GPM6A: variants seen among roughly 807,000 people sequenced by gnomAD.
GPM6A encodes glycoprotein M6A.
In GPM6A, 7 loss-of-function variants were observed where a neutral mutation model predicts 32.1. The observed-to-expected ratio is 0.22, with a 90% CI of 0.12 to 0.41. The LOEUF is 0.41. Ranked by LOEUF, GPM6A falls within the 10% of genes least tolerant of loss-of-function variation. The pLI, the probability that GPM6A is intolerant of heterozygous loss-of-function variation, is 1.00. For synonymous variants in GPM6A, 130 were observed against 123.4 expected, an observed-to-expected ratio of 1.05 and a Z score of -0.35; for missense variants, 235 against 347.2, an observed-to-expected ratio of 0.68 and a Z score of 2.57.
chr4:175,811,869 G>T (rs1734932530), intron 1 of GPM6A: 1 of 202,246 alleles, frequency 4.9e-6, no homozygotes, highest in Non-Finnish European at 9.9e-6. Flanking sequence ...GGGATCCCTT[G>T]ACCCAGCTCG....
intron 4 of GPM6A, among the ~76,000 whole-genome samples, chr4:175,644,121 G>GTT (rs781755092): frequency 0.015 from 1,649 of 110,334 alleles, 56 homozygotes; most frequent in East Asian, 0.062. Flanking sequence ...TTTTCCGTTT[G>GTT]TTTTTTTTTT....
At chr4:175,827,717 G>A (rs960099948) in intron 1 of GPM6A, among the ~76,000 whole-genome samples, 16 of 152,284 alleles carry the variant, frequency 1.1e-4, no homozygotes, top group African/African-American at 3.6e-4. Flanking sequence ...GTTTCAAATG[G>A]CAGCTCAGCC....
chr4:175,959,750 A>G (rs1409063979), intron 1 of GPM6A, among the ~76,000 whole-genome samples: 1 of 152,208 alleles, frequency 6.6e-6, no homozygotes, highest in African/African-American at 2.4e-5. Context: ...TAGTAGAGTG[A>G]AAGGAACTAT....
chr4:175,776,054 T>C (rs1733381376), intron 1 of GPM6A, among the ~76,000 whole-genome samples: 1 of 152,134 alleles, frequency 6.6e-6, no homozygotes, highest in Non-Finnish European at 1.5e-5. Flanking sequence ...TATTAATTTG[T>C]GGTGTGAGAA....
chr4:175,770,398 A>G (rs1733139601), intron 1 of GPM6A, among the ~76,000 whole-genome samples: 1 of 152,114 alleles, frequency 6.6e-6, no homozygotes, highest in Non-Finnish European at 1.5e-5. Context: ...TCTTAATTAC[A>G]TCTCTTGTCA....
At chr4:175,847,973 A>C (rs1456434277) in intron 1 of GPM6A, among the ~76,000 whole-genome samples, 1 of 152,198 alleles carries the variant, frequency 6.6e-6, no homozygotes, top group Non-Finnish European at 1.5e-5. Flanking sequence ...GAATAAGGGG[A>C]AACTGCTATA....
chr4:175,829,050 A>G (rs115556281), intron 1 of GPM6A, among the ~76,000 whole-genome samples: 11,465 of 152,138 alleles, frequency 0.075, 449 homozygotes, highest in South Asian at 0.11. Context: ...CAGCCTCCCA[A>G]GTAGCTGGAA....
chr4:175,953,957 T>C (rs1739901673), intron 1 of GPM6A, among the ~76,000 whole-genome samples: 1 of 151,990 alleles, frequency 6.6e-6, no homozygotes, highest in Non-Finnish European at 1.5e-5. Flanking sequence ...GAGTTAGAAA[T>C]GTTAACCCAG....
At chr4:175,978,628 C>A (rs941970412) in intron 1 of GPM6A, among the ~76,000 whole-genome samples, 3 of 152,086 alleles carry the variant, frequency 2.0e-5, no homozygotes, top group Non-Finnish European at 4.4e-5. Flanking sequence ...GCTGAAAAAA[C>A]AAATAATATG....
intron 1 of GPM6A, among the ~76,000 whole-genome samples, chr4:175,770,608 C>T (rs903627875): frequency 2.0e-5 from 3 of 152,094 alleles, no homozygotes; most frequent in Admixed American, 6.6e-5. Flanking sequence ...TTCAGCATTG[C>T]ACATGTGCTA....
chr4:175,647,785 T>A (rs547825406), intron 4 of GPM6A, among the ~76,000 whole-genome samples: 37 of 152,348 alleles, frequency 2.4e-4, no homozygotes, highest in Non-Finnish European at 5.0e-4. Context: ...GTTTGAGGAA[T>A]GGTTCTCTTC....
chr4:175,852,308 C>T (rs907679441), intron 1 of GPM6A, among the ~76,000 whole-genome samples: 2 of 152,042 alleles, frequency 1.3e-5, no homozygotes, highest in African/African-American at 2.4e-5. Flanking sequence ...GGAAGGCTTA[C>T]ATTTTTAAAA....
chr4:175,842,028 T>C (rs1735952469), intron 1 of GPM6A, among the ~76,000 whole-genome samples: 1 of 152,158 alleles, frequency 6.6e-6, no homozygotes. Context: ...CACTATTATT[T>C]AATGATGTGA....
chr4:175,743,635 T>TAA (rs75778180), intron 1 of GPM6A, among the ~76,000 whole-genome samples: 1 of 151,758 alleles, frequency 6.6e-6, no homozygotes, highest in African/African-American at 2.4e-5. Context: ...TTTTACAATT[T>TAA]AAAAAATGCA....
chr4:175,975,713 CAT>C (rs2126431820), intron 1 of GPM6A, among the ~76,000 whole-genome samples: 1 of 152,222 alleles, frequency 6.6e-6, no homozygotes, highest in South Asian at 2.1e-4. Flanking sequence ...CTTAATCTAT[CAT>C]AGGTTTAAAT....
chr4:175,811,591 G>T (rs1734921608), intron 1 of GPM6A, among the ~76,000 whole-genome samples: 1 of 152,098 alleles, frequency 6.6e-6, no homozygotes, highest in African/African-American at 2.4e-5. Flanking sequence ...CTCAGAAGTT[G>T]ATTACAGTCA....
At position 175,682,848 on chromosome 4, in the gene GPM6A, G is replaced by T. The variant is rs556866414; in HGVS notation, c.231-9012C>A. Reference sequence around the variant, plus strand: ...TATGAGAAAGCCTGGGTGCCCAGGAGGAAGTCTGCTGCAAGAGTGGAGGCC... The same window carrying T: ...TATGAGAAAGCCTGGGTGCCCAGGATGAAGTCTGCTGCAAGAGTGGAGGCC... On this transcript the variant is annotated intron_variant, in intron 2 of 6. Coordinates refer to ENST00000393658, the MANE Select transcript of GPM6A (RefSeq NM_201591.3). Among the ~76,000 whole-genome samples, 5 of 152,300 alleles carry T rather than the reference G, an allele frequency of 3.3e-5. No homozygotes were observed. In the East Asian group the frequency reaches 7.7e-4, roughly 24 times the overall value.
chr4:175,667,950 A>G (rs2110966455), intron 3 of GPM6A, among the ~76,000 whole-genome samples: 1 of 152,282 alleles, frequency 6.6e-6, no homozygotes, highest in African/African-American at 2.4e-5. Context: ...GTCACAACTT[A>G]TGGTGATCTG....
intron 1 of GPM6A, among the ~76,000 whole-genome samples, chr4:175,908,470 T>A (rs1017924345): frequency 2.6e-5 from 4 of 152,102 alleles, no homozygotes; most frequent in African/African-American, 7.2e-5. Flanking sequence ...TGGCTTTAAT[T>A]TGAACACATA....
Sources: allele counts gnomAD v4.1 joint callset (sites outside exome capture counted in the v4.1 genomes callset), GRCh38; gene constraint gnomAD v4.1.1; transcripts MANE v1.5; gene names NCBI Gene and HGNC (gene_info 2026-07-23, HGNC 2026-07-21).